Variants in SLC25A31 observed in about 807,000 individuals in gnomAD.
SLC25A31 encodes the protein solute carrier family 25 member 31.
In SLC25A31, 40 loss-of-function variants were observed where a neutral mutation model predicts 36.2. The observed-to-expected ratio is 1.10, with a 90% CI of 0.86 to 1.44. The LOEUF (loss-of-function observed/expected upper bound fraction) is 1.44, where lower values mean the gene tolerates loss of function less well. Among genes scored for constraint, SLC25A31 ranks in the 40% most tolerant of loss-of-function variants. The probability of loss-of-function intolerance (pLI) is 0.00; values close to 1 mark genes in which losing one functional copy is unlikely to be tolerated. For synonymous variants in SLC25A31, 143 were observed against 149.7 expected, an observed-to-expected ratio of 0.96 and a Z score of 0.32; for missense variants, 350 against 397.1, an observed-to-expected ratio of 0.88 and a Z score of 1.01.
intron 2 of SLC25A31, among the ~76,000 whole-genome samples, chr4:127,752,061 A>G (rs1731943924): frequency 6.6e-6 from 1 of 152,346 alleles, no homozygotes; most frequent in African/African-American, 2.4e-5. Context: ...CAGCCATCCC[A>G]TTACTGAGTA....
intron 2 of SLC25A31, among the ~76,000 whole-genome samples, chr4:127,756,076 A>G (rs1732026864): frequency 6.6e-6 from 1 of 152,076 alleles, no homozygotes; most frequent in East Asian, 1.9e-4. Flanking sequence ...CAGCAATCCC[A>G]CTACTGGGTT....
intron 1 of SLC25A31, among the ~76,000 whole-genome samples, chr4:127,735,977 T>C (rs1257047401): frequency 3.3e-4 from 49 of 147,612 alleles, no homozygotes; most frequent in Admixed American, 2.9e-3. Context: ...GCAAGCTCCG[T>C]CTCCCGGGTT....
chr4:127,745,261 G>GA (rs1731803663), intron 2 of SLC25A31, among the ~76,000 whole-genome samples: 1 of 151,308 alleles, frequency 6.6e-6, no homozygotes, highest in African/African-American at 2.4e-5. Flanking sequence ...AGCAAAACTG[G>GA]AAAATGATAA....
At chr4:127,770,579 G>A (rs975504383) in intron 5 of SLC25A31, among the ~76,000 whole-genome samples, 3 of 151,792 alleles carry the variant, frequency 2.0e-5, no homozygotes, top group Admixed American at 6.6e-5. Flanking sequence ...GAACCAAGAT[G>A]GCGCCACTGC....
At chr4:127,736,244 T>A (rs1279578060) in intron 1 of SLC25A31, among the ~76,000 whole-genome samples, 1 of 152,208 alleles carries the variant, frequency 6.6e-6, no homozygotes, top group Non-Finnish European at 1.5e-5. Context: ...TCACTTTTAT[T>A]TCAATTCTTA....
Position 127,771,769 on chromosome 4 carries a change from A to G in SLC25A31, c.760-1617A>G, listed in dbSNP as rs191433035. Among the ~76,000 whole-genome samples the G allele has an allele frequency of 3.0e-3, 464 of 152,332 alleles. 4 individuals are homozygous for G. The highest frequency in any genetic ancestry group is 0.011 in the African/African-American group (448 of 41,580). On this transcript the variant is annotated intron_variant, in intron 5 of 5. Coordinates refer to ENST00000281154, the MANE Select transcript of SLC25A31 (RefSeq NM_031291.4). ...TCATTATCATTTATCATGTAATGACAGTTCCTTTCTGTTCCTGGATTACAA... is the reference window on the plus strand; with the variant it reads ...TCATTATCATTTATCATGTAATGACGGTTCCTTTCTGTTCCTGGATTACAA...
chr4:127,752,483 G>A (rs1731953780), intron 2 of SLC25A31, among the ~76,000 whole-genome samples: 1 of 151,832 alleles, frequency 6.6e-6, no homozygotes, highest in Non-Finnish European at 1.5e-5. Flanking sequence ...TGAGTTAATG[G>A]GTGCAGGACA....
At position 127,773,476 on chromosome 4, in the gene SLC25A31, G is replaced by A. The variant is rs368828746; in HGVS notation, c.850G>A (p.Ala284Thr). The A allele has an allele frequency of 1.5e-5, 25 of 1,613,552 alleles. No individual in the cohort carries two copies. Among genetic ancestry groups the A allele is most frequent in the Middle Eastern group, 1.6e-4 (1 of 6,082 alleles). Reference sequence around the variant, plus strand: ...AGGAATCAGTTCCTTTTTTCGTGGCGCCTTCTCCAATGTTCTTCGCGGTAC... The same window carrying A: ...AGGAATCAGTTCCTTTTTTCGTGGCACCTTCTCCAATGTTCTTCGCGGTAC... Reference protein sequence around the residue: ...HEGISSFFRGAFSNVLRGTGG... With the variant: ...HEGISSFFRGTFSNVLRGTGG... Residue 284 changes from alanine (A) to threonine (T), a missense_variant, in exon 6 of 6, where the codon GCC (alanine) becomes ACC (threonine). Physicochemically the swap from Ala to Thr is moderately conservative, Grantham distance 58. Coordinates refer to ENST00000281154, the MANE Select transcript of SLC25A31 (RefSeq NM_031291.4).
intron 3 of SLC25A31, among the ~76,000 whole-genome samples, chr4:127,765,559 G>A (rs1186228767): frequency 1.3e-5 from 2 of 152,126 alleles, no homozygotes; most frequent in Non-Finnish European, 2.9e-5. Context: ...TGCAGATACA[G>A]GGCGTGTGTG....
intron 3 of SLC25A31, among the ~76,000 whole-genome samples, chr4:127,766,831 G>T (rs1014602719): frequency 1.3e-5 from 2 of 152,182 alleles, no homozygotes; most frequent in Non-Finnish European, 2.9e-5. Context: ...TTTAAGGCAG[G>T]TTGTTTGAAG....
chr4:127,768,788 G>T lies in SLC25A31; in HGVS notation c.670G>T (p.Val224Phe), dbSNP rs764305704. The change falls in exon 5 of 6, where the codon GTC becomes TTC. Residue 224 changes from valine (V) to phenylalanine (F), a missense_variant. By Grantham distance (50) the Val-to-Phe change is conservative (BLOSUM62 -1). Coordinates refer to ENST00000281154, the MANE Select transcript of SLC25A31 (RefSeq NM_031291.4). ...AAAGCCAAAGAAAACTCCATTTCTT[G>T]TCTCCTTTTTCATTGCTCAAGTTGT... The part of the protein sequence containing the change: ...LPKPKKTPFL[V>F]SFFIAQVVTT... The T allele has an allele frequency of 6.2e-7, 1 of 1,607,624 alleles. No homozygotes were observed. The highest frequency in any genetic ancestry group is 2.2e-5 in the East Asian group (1 of 44,512).
chr4:127,737,888 A>G (rs1731662947), intron 1 of SLC25A31, among the ~76,000 whole-genome samples: 1 of 151,940 alleles, frequency 6.6e-6, no homozygotes, highest in Admixed American at 6.6e-5. Flanking sequence ...CTCATTTTTT[A>G]TATACTCAGC....
At chr4:127,771,586 C>A (rs894305510) in intron 5 of SLC25A31, among the ~76,000 whole-genome samples, 1 of 152,134 alleles carries the variant, frequency 6.6e-6, no homozygotes, top group African/African-American at 2.4e-5. Context: ...TCAATTCTTA[C>A]ACCTTTTATT....
intron 1 of SLC25A31, among the ~76,000 whole-genome samples, chr4:127,733,276 C>A (rs1731563900): frequency 1.3e-5 from 2 of 152,148 alleles, no homozygotes; most frequent in African/African-American, 4.8e-5. Context: ...GGTTGAGTAT[C>A]CGAAAAGCTT....
chr4:127,730,739 G>A lies in SLC25A31; in HGVS notation c.194G>A (p.Gly65Asp), dbSNP rs759898796. 1 of 1,613,626 alleles carries A rather than the reference G, an allele frequency of 6.2e-7. No homozygotes were observed. Among genetic ancestry groups the A allele is most frequent in the South Asian group, 1.1e-5 (1 of 91,066 alleles). ...ATCAGCCCCGAGGCGCGGTACAAAGGCATGGTGGACTGCCTGGTGCGGATT... is the reference window on the plus strand; with the variant it reads ...ATCAGCCCCGAGGCGCGGTACAAAGACATGGTGGACTGCCTGGTGCGGATT... ...KQISPEARYK[G>D]MVDCLVRIPR... is the part of the protein sequence containing the mutation. Residue 65 changes from glycine (G) to aspartate (D), a missense_variant, in exon 1 of 6, where the codon GGC (glycine) becomes GAC (aspartate). By Grantham distance (94) the Gly-to-Asp change is moderately conservative (BLOSUM62 -1). Transcript: ENST00000281154.
intron 4 of SLC25A31, among the ~76,000 whole-genome samples, chr4:127,768,326 G>A (rs1732284401): frequency 1.3e-5 from 2 of 151,966 alleles, no homozygotes; most frequent in South Asian, 4.1e-4. Flanking sequence ...TCTGTCTCTA[G>A]TTTGTTATCA....
rs1355657973 is a variant in SLC25A31 at position 127,730,454 on chromosome 4, C to T, written c.-92C>T. ...GAGCCACTTTCTCGCCAGTACGATG[C>T]TGCAGCGGTTTTCCGGTTTTCCGCT... On this transcript the variant is annotated 5_prime_UTR_variant, in exon 1 of 6. Coordinates refer to ENST00000281154, the MANE Select transcript of SLC25A31 (RefSeq NM_031291.4). 6 of 1,333,384 alleles carry T rather than the reference C, an allele frequency of 4.5e-6. No homozygotes were observed. The highest frequency in any genetic ancestry group is 6.3e-6 in the Non-Finnish European group (6 of 954,190). The allele number at this position is 1,333,384 out of a possible 1,614,324, so 82.6% of individuals were successfully genotyped here.
chr4:127,730,635 G>A lies in SLC25A31; in HGVS notation c.90G>A (p.Ala30=), dbSNP rs1047884526. ...FGKDLLAGGV[A]AAVSKTAVAP... ...AGGACCTTCTGGCCGGCGGAGTCGC[G>A]GCAGCTGTGTCCAAGACAGCGGTGG... Residue 30 remains alanine, a synonymous_variant, in exon 1 of 6, where the codon GCG becomes GCA. Coordinates refer to ENST00000281154, the MANE Select transcript of SLC25A31 (RefSeq NM_031291.4). The A allele has an allele frequency of 4.3e-6, 7 of 1,613,978 alleles. No individual in the cohort carries two copies. Among genetic ancestry groups the A allele is most frequent in the East Asian group, 2.2e-5 (1 of 44,884 alleles).
intron 5 of SLC25A31, 104 bp from the exon 6 acceptor site, chr4:127,773,282 A>T: frequency 9.8e-7 from 1 of 1,025,460 alleles, no homozygotes; most frequent in Non-Finnish European, 1.4e-6. Flanking sequence ...ACACAGTGCT[A>T]CTCAACACAG....
Sources: allele counts gnomAD v4.1 joint callset (sites outside exome capture counted in the v4.1 genomes callset), GRCh38; gene constraint gnomAD v4.1.1; transcripts MANE v1.5; gene names NCBI Gene and HGNC (gene_info 2026-07-23, HGNC 2026-07-21).